The following CSGALNACT1 variants were observed in gnomAD, a reference collection of about 807,000 sequenced individuals.
CSGALNACT1 encodes the protein chondroitin sulfate N-acetylgalactosaminyltransferase 1.
Under a neutral mutation model 51.0 loss-of-function variants are expected in CSGALNACT1, and 52 were observed. The observed-to-expected ratio is 1.02, with a 90% CI of 0.82 to 1.29. The LOEUF (loss-of-function observed/expected upper bound fraction) is 1.29, where lower values mean the gene tolerates loss of function less well. Among genes scored for constraint, CSGALNACT1 ranks in the 50% most tolerant of loss-of-function variants. The pLI, the probability that CSGALNACT1 is intolerant of heterozygous loss-of-function variation, is 0.00. For missense variants in CSGALNACT1, 935 were observed against 679.2 expected (o/e 1.38, Z -4.19); for synonymous variants, 341 against 254.4 (o/e 1.34, Z -3.24).
chr8:19,563,547 T>A (rs887592882), intron 3 of CSGALNACT1, among the ~76,000 whole-genome samples: 21 of 152,252 alleles, frequency 1.4e-4, no homozygotes, highest in Admixed American at 1.3e-3. Flanking sequence ...TGCCTCCACA[T>A]CTGTGTCAAA....
intron 6 of CSGALNACT1, among the ~76,000 whole-genome samples, chr8:19,438,095 T>C (rs150805606): frequency 6.6e-6 from 1 of 151,504 alleles, no homozygotes; most frequent in Non-Finnish European, 1.5e-5. Flanking sequence ...TTCTTTGATG[T>C]GCTGGAAATC....
At chr8:19,557,910 A>G (rs891438673) in intron 3 of CSGALNACT1, among the ~76,000 whole-genome samples, 7 of 152,252 alleles carry the variant, frequency 4.6e-5, no homozygotes, top group African/African-American at 1.4e-4. Flanking sequence ...AACTTGTGAT[A>G]CTGTTTGAAA....
rs61217123 is a variant in CSGALNACT1, at chr8:19,666,989, A to G, written c.-544+15484T>C. Among the ~76,000 whole-genome samples the G allele has an allele frequency of 8.2e-4, 16 of 19,472 alleles. 2 individuals are homozygous for G. Among genetic ancestry groups the G allele is most frequent in the South Asian group, 1.9e-3 (1 of 532 alleles). The allele number at this position is 19,472 out of a possible 152,430, so 12.8% of individuals were successfully genotyped here. A position where few individuals can be genotyped will look rare whatever the true frequency, so the allele number is the denominator to read the frequency against. On this transcript the variant is annotated intron_variant, in intron 1 of 9. Transcript: ENST00000332246. ...AAAGAAAGAAAGAAAGAAAGAAAGA[A>G]AGAAAGAAAGAAAGAAAGAAAGAAA...
intron 1 of CSGALNACT1, among the ~76,000 whole-genome samples, chr8:19,620,601 T>C (rs1331775122): frequency 1.3e-5 from 2 of 151,936 alleles, no homozygotes; most frequent in African/African-American, 4.8e-5. Flanking sequence ...CTGGCTAATT[T>C]ATGTTTTTGT....
At chr8:19,603,726 G>A (rs566783398), upstream of CSGALNACT1, among the ~76,000 whole-genome samples, 2 of 152,142 alleles carry the variant, frequency 1.3e-5, no homozygotes, top group Non-Finnish European at 2.9e-5. Flanking sequence ...AGATCTGGAG[G>A]CTCCATCACT....
chr8:19,454,529 G>T (rs931909772), intron 5 of CSGALNACT1, among the ~76,000 whole-genome samples: 2 of 152,136 alleles, frequency 1.3e-5, no homozygotes, highest in African/African-American at 4.8e-5. Context: ...AAATTAGCCA[G>T]GTGTGGTGGT....
chr8:19,505,797 G>A (rs756334007), exon 4 of CSGALNACT1: 14 of 1,613,486 alleles, frequency 8.7e-6, no homozygotes, highest in South Asian at 1.1e-5. Flanking sequence ...CACCACCCGG[G>A]AAATCCACGC....
intron 1 of CSGALNACT1, among the ~76,000 whole-genome samples, chr8:19,724,888 C>T (rs1308447839): frequency 1.3e-5 from 2 of 152,168 alleles, no homozygotes; most frequent in African/African-American, 4.8e-5. Flanking sequence ...TTGGTGGCCC[C>T]GCATTCTCTT....
At chr8:19,428,132 A>G (rs1338829391) in intron 6 of CSGALNACT1, among the ~76,000 whole-genome samples, 1 of 152,114 alleles carries the variant, frequency 6.6e-6, no homozygotes, top group Non-Finnish European at 1.5e-5. Flanking sequence ...CTGGATGGAT[A>G]ATTCCCAGCT....
intron 4 of CSGALNACT1, among the ~76,000 whole-genome samples, chr8:19,497,668 G>A (rs1354368449): frequency 1.3e-5 from 2 of 152,116 alleles, no homozygotes; most frequent in Non-Finnish European, 2.9e-5. Context: ...TACAGTAAGA[G>A]CAACCTAAAA....
intron 6 of CSGALNACT1, among the ~76,000 whole-genome samples, chr8:19,427,325 G>A (rs1047103243): frequency 1.3e-5 from 2 of 152,166 alleles, no homozygotes; most frequent in Admixed American, 6.5e-5. Flanking sequence ...TCCTCAGATT[G>A]TCTTTTCTTG....
intron 1 of CSGALNACT1, among the ~76,000 whole-genome samples, chr8:19,744,113 G>A (rs143162629): frequency 6.6e-6 from 1 of 152,250 alleles, no homozygotes; most frequent in Non-Finnish European, 1.5e-5. Flanking sequence ...CAAGTATAAT[G>A]GTGCAATCAA....
chr8:19,604,149 T>C (rs2051009616), upstream of CSGALNACT1, among the ~76,000 whole-genome samples: 1 of 152,086 alleles, frequency 6.6e-6, no homozygotes, highest in African/African-American at 2.4e-5. Context: ...AGCTAGTAAC[T>C]GAAAAATGAA....
chr8:19,755,205 GGTAA>G (rs1304628752), intron 1 of CSGALNACT1, among the ~76,000 whole-genome samples: 1 of 151,952 alleles, frequency 6.6e-6, no homozygotes, highest in African/African-American at 2.4e-5. Flanking sequence ...CATGAAGATT[GGTAA>G]GTATCATTCA....
intron 5 of CSGALNACT1, among the ~76,000 whole-genome samples, chr8:19,456,851 T>G (rs2064211466): frequency 6.6e-6 from 1 of 152,230 alleles, no homozygotes; most frequent in Non-Finnish European, 1.5e-5. Flanking sequence ...TGAGAACTGC[T>G]ATACCTTGGA....
chr8:19,529,151 T>C (rs1375672506), intron 3 of CSGALNACT1, among the ~76,000 whole-genome samples: 1 of 151,926 alleles, frequency 6.6e-6, no homozygotes, highest in East Asian at 1.9e-4. Context: ...TTGAGCAACG[T>C]GGGGGTCAAC....
intron 3 of CSGALNACT1, among the ~76,000 whole-genome samples, chr8:19,551,529 A>T (rs2088086815): frequency 6.6e-6 from 1 of 152,080 alleles, no homozygotes; most frequent in South Asian, 2.1e-4. Flanking sequence ...CTGGCAATAA[A>T]CTTCTCTCCC....
intron 6 of CSGALNACT1, among the ~76,000 whole-genome samples, chr8:19,431,396 T>C (rs1346005233): frequency 2.0e-5 from 3 of 152,132 alleles, no homozygotes; most frequent in Non-Finnish European, 2.9e-5. Context: ...TTTTAACAAA[T>C]GCTTTTCCTA....
intron 1 of CSGALNACT1, among the ~76,000 whole-genome samples, chr8:19,753,726 G>A (rs74995076): frequency 0.21 from 32,306 of 152,060 alleles, 3,521 homozygotes; most frequent in African/African-American, 0.24. Flanking sequence ...TAAGTTTCAT[G>A]GAAAACCTGA....
Sources: allele counts gnomAD v4.1 joint callset (sites outside exome capture counted in the v4.1 genomes callset), GRCh38; gene constraint gnomAD v4.1.1; transcripts MANE v1.5; gene names NCBI Gene and HGNC (gene_info 2026-07-23, HGNC 2026-07-21).